PLPPR5: variants seen among roughly 807,000 people sequenced by gnomAD.
The protein encoded by PLPPR5 is phospholipid phosphatase-related protein type 5.
A neutral mutation model predicts 33.9 loss-of-function variants in PLPPR5; 16 were observed. That is an observed-to-expected ratio of 0.47 (90% CI 0.32 to 0.72). The LOEUF is 0.72. PLPPR5 is among the 30% of genes least tolerant of loss of function. The pLI is 0.03. For synonymous variants in PLPPR5, 163 were observed against 150.3 expected (o/e 1.08, Z -0.62); for missense variants, 301 against 406.7 (o/e 0.74, Z 2.23).
At chr1:98,942,313 G>C (rs1334134912) in intron 3 of PLPPR5, among the ~76,000 whole-genome samples, 1 of 152,140 alleles carries the variant, frequency 6.6e-6, no homozygotes, top group Non-Finnish European at 1.5e-5. Flanking sequence ...AAAGCTCTGG[G>C]ATTACAGGCA....
Position 98,891,086 on chromosome 1 carries a change from C to G in PLPPR5, c.*1986G>C, listed in dbSNP as rs1188436220. Reference sequence around the variant, plus strand: ...GGATCATCCCCTTCACTTTCATTCTCAATAAGTGAATTCCCTATTACTGTT... The same window carrying G: ...GGATCATCCCCTTCACTTTCATTCTGAATAAGTGAATTCCCTATTACTGTT... On this transcript the variant is annotated 3_prime_UTR_variant, in exon 6 of 6. Coordinates refer to ENST00000263177, the MANE Select transcript of PLPPR5 (RefSeq NM_001037317.2). 6.6e-6 allele frequency: 1 copy of G among 152,090 alleles called. No individual in the cohort carries two copies. Among genetic ancestry groups the G allele is most frequent in the East Asian group, 1.9e-4 (1 of 5,176 alleles). 9.4% of individuals were successfully genotyped at this position (152,090 alleles called of 1,614,324 possible).
chr1:98,969,241 T>C (rs1651564826), intron 1 of PLPPR5, among the ~76,000 whole-genome samples: 3 of 152,040 alleles, frequency 2.0e-5, no homozygotes, highest in African/African-American at 7.2e-5. Flanking sequence ...AAAGATAGTC[T>C]AGTGTAGCTA....
At chr1:98,894,921 G>T (rs981834949) in intron 5 of PLPPR5, among the ~76,000 whole-genome samples, 5 of 152,156 alleles carry the variant, frequency 3.3e-5, no homozygotes, top group African/African-American at 1.2e-4. Context: ...GTGCAAGCTG[G>T]ACAGTGTAAC....
chr1:98,953,331 AAAC>A lies in PLPPR5; in HGVS notation c.371-14_371-12del. On this transcript the variant is annotated splice_polypyrimidine_tract_variant and intron_variant, in intron 2 of 5. Coordinates refer to ENST00000263177, the MANE Select transcript of PLPPR5 (RefSeq NM_001037317.2). ...CAAATGTATAAATTCCTGGGGAAGA[AAAC>A]AAATAATTTTAACTTCTTGCTTGTG... is the stretch of plus-strand genomic sequence containing the variant. 1.9e-6 allele frequency: 3 copies of A among 1,611,440 alleles called. No individual in the cohort carries two copies. The highest frequency in any genetic ancestry group is 2.5e-6 in the Non-Finnish European group (3 of 1,179,250).
rs1557671471 is a variant in PLPPR5 at position 98,925,651 on chromosome 1, C to A, written c.622-3593G>T. 4.6e-5 allele frequency among the ~76,000 whole-genome samples: 7 copies of A among 151,816 alleles called. No individual in the cohort carries two copies. The South Asian group carries it at 1.5e-3, about 32-fold the overall frequency. ...TTGTGTAAATTGAGAAAACACTGAA[C>A]TATTATTAATAATAAAACAATGCTA... On this transcript the variant is annotated intron_variant, in intron 3 of 5. Transcript: ENST00000263177.
intron 5 of PLPPR5, among the ~76,000 whole-genome samples, chr1:98,905,871 C>G (rs1442840346): frequency 6.6e-6 from 1 of 151,928 alleles, no homozygotes; most frequent in African/African-American, 2.4e-5. Context: ...TATTTTAATA[C>G]TTAAATGACC....
chr1:98,975,986 T>C (rs1247440116), intron 1 of PLPPR5, among the ~76,000 whole-genome samples: 1 of 151,118 alleles, frequency 6.6e-6, no homozygotes. Context: ...TGAATACATA[T>C]GTTAAATGGA....
chr1:98,911,497 T>C (rs556110307), intron 5 of PLPPR5, among the ~76,000 whole-genome samples: 4 of 152,242 alleles, frequency 2.6e-5, no homozygotes, highest in Non-Finnish European at 5.9e-5. Context: ...TCACTATAAA[T>C]AAAAATGAAC....
chr1:98,895,434 T>C (rs1374240681), intron 5 of PLPPR5, among the ~76,000 whole-genome samples: 1 of 152,094 alleles, frequency 6.6e-6, no homozygotes, highest in East Asian at 1.9e-4. Context: ...CAAAACAGAC[T>C]AAGAAACCTT....
chr1:98,903,720 T>C (rs1473619280), intron 5 of PLPPR5, among the ~76,000 whole-genome samples: 7 of 152,170 alleles, frequency 4.6e-5, no homozygotes, highest in Admixed American at 2.6e-4. Flanking sequence ...CCGAGAAGTT[T>C]ATCTGTGATG....
At chr1:99,003,094 T>TAC (rs1652929874) in intron 1 of PLPPR5, among the ~76,000 whole-genome samples, 2 of 132,454 alleles carry the variant, frequency 1.5e-5, no homozygotes, top group Non-Finnish European at 3.3e-5. Flanking sequence ...TATATATATA[T>TAC]ATGTAAAACA....
intron 4 of PLPPR5, among the ~76,000 whole-genome samples, chr1:98,916,442 A>G (rs1291874333): frequency 3.3e-5 from 5 of 152,222 alleles, no homozygotes; most frequent in African/African-American, 1.2e-4. Context: ...AAGGTCTGAC[A>G]GATACTGACT....
chr1:98,923,494 A>G (rs1197986094), intron 3 of PLPPR5, among the ~76,000 whole-genome samples: 1 of 152,182 alleles, frequency 6.6e-6, no homozygotes, highest in African/African-American at 2.4e-5. Flanking sequence ...ATTTTAGAAC[A>G]CTATGAAATC....
intron 1 of PLPPR5, among the ~76,000 whole-genome samples, chr1:98,961,256 A>G (rs964979539): frequency 2.0e-5 from 3 of 152,222 alleles, no homozygotes; most frequent in Non-Finnish European, 2.9e-5. Context: ...AAACATACAC[A>G]GCATCAAAGA....
intron 5 of PLPPR5, among the ~76,000 whole-genome samples, chr1:98,906,174 A>T (rs927516799): frequency 2.7e-5 from 4 of 150,632 alleles, no homozygotes; most frequent in Non-Finnish European, 4.4e-5. Context: ...ATATATATAT[A>T]GTGTGTGTGT....
chr1:98,942,182 C>T (rs12075342), intron 3 of PLPPR5, among the ~76,000 whole-genome samples: 27,889 of 151,554 alleles, frequency 0.18, 3,010 homozygotes, highest in Non-Finnish European at 0.21. Flanking sequence ...AGCGATTCTC[C>T]GGCCTCAGCC....
At position 98,922,027 on chromosome 1, in the gene PLPPR5, C is replaced by T. The variant is rs1309736213; in HGVS notation, c.653G>A (p.Gly218Glu). ...TAGAACTGGCTTAGCAAGTCTGGTTCCCTTGGCTTTGATTGTGTTGGTGAT... is the reference window on the plus strand; with the variant it reads ...TAGAACTGGCTTAGCAAGTCTGGTTTCCTTGGCTTTGATTGTGTTGGTGAT... Reference protein sequence around the residue: ...MYITNTIKAKGTRLAKPVLCL... With the variant: ...MYITNTIKAKETRLAKPVLCL... Residue 218 changes from glycine (G) to glutamate (E), a missense_variant, in exon 4 of 6, where the codon GGA becomes GAA. Coordinates refer to ENST00000263177, the MANE Select transcript of PLPPR5 (RefSeq NM_001037317.2). The T allele has an allele frequency of 6.2e-7, 1 of 1,613,392 alleles. No individual in the cohort carries two copies.
chr1:98,952,594 A>C (rs1650832539), intron 3 of PLPPR5, among the ~76,000 whole-genome samples: 1 of 152,226 alleles, frequency 6.6e-6, no homozygotes, highest in African/African-American at 2.4e-5. Flanking sequence ...GTTCTATGAG[A>C]AAACGTTAAA....
intron 5 of PLPPR5, among the ~76,000 whole-genome samples, chr1:98,909,830 C>G (rs1019748374): frequency 1.5e-4 from 22 of 146,796 alleles, no homozygotes; most frequent in Non-Finnish European, 4.6e-5. Flanking sequence ...TACTAGTAAC[C>G]TGAATATTTA....
Sources: allele counts gnomAD v4.1 joint callset (sites outside exome capture counted in the v4.1 genomes callset), GRCh38; gene constraint gnomAD v4.1.1; transcripts MANE v1.5; gene names NCBI Gene and HGNC (gene_info 2026-07-23, HGNC 2026-07-21).